ATL2: variants seen among roughly 807,000 people sequenced by gnomAD.
ATL2 encodes atlastin-2.
A neutral mutation model predicts 73.9 loss-of-function variants in ATL2; 31 were observed. The observed-to-expected ratio is 0.42, with a 90% confidence interval of 0.32 to 0.57. The LOEUF (loss-of-function observed/expected upper bound fraction) is 0.57, where lower values mean the gene tolerates loss of function less well. Ranked by LOEUF, ATL2 falls within the 20% of genes least tolerant of loss-of-function variation. The probability of loss-of-function intolerance (pLI) is 0.14; values close to 1 mark genes in which losing one functional copy is unlikely to be tolerated. For missense variants in ATL2, 738 were observed against 702.6 expected (o/e 1.05, Z -0.57); for synonymous variants, 291 against 237.5 (o/e 1.23, Z -2.07).
At chr2:38,350,437 G>C (rs575514082) in intron 1 of ATL2, among the ~76,000 whole-genome samples, 1 of 152,194 alleles carries the variant, frequency 6.6e-6, no homozygotes, top group Non-Finnish European at 1.5e-5. Flanking sequence ...TGATTGCCAG[G>C]GGTTAGGGGG....
At chr2:38,343,199 C>A in intron 2 of ATL2, 69 bp downstream of exon 2, 32 of 415,354 alleles carry the variant, frequency 7.7e-5, no homozygotes, top group Non-Finnish European at 1.0e-4. Flanking sequence ...TGGTTTTTGT[C>A]TATTTTTTTA....
intron 5 of ATL2, among the ~76,000 whole-genome samples, chr2:38,315,006 C>G (rs924063392): frequency 6.6e-6 from 1 of 152,256 alleles, no homozygotes; most frequent in Non-Finnish European, 1.5e-5. Flanking sequence ...AATCCCAGCA[C>G]TTTGGGAGGC....
chr2:38,319,054 C>G, intron 2 of ATL2, 35 bp from the exon 3 acceptor site: 1 of 1,585,126 alleles, frequency 6.3e-7, no homozygotes, highest in Non-Finnish European at 8.6e-7. Context: ...AAATACAACA[C>G]AATTAAGAAA....
At chr2:38,359,039 T>C (rs555131804) in intron 1 of ATL2, among the ~76,000 whole-genome samples, 1 of 152,254 alleles carries the variant, frequency 6.6e-6, no homozygotes, top group African/African-American at 2.4e-5. Flanking sequence ...AGAACTACAA[T>C]GCAAATTACA....
chr2:38,300,559 A>G, intron 9 of ATL2: 1 of 365,880 alleles, frequency 2.7e-6, no homozygotes, highest in Non-Finnish European at 4.9e-6. Flanking sequence ...TAAAAGTTAT[A>G]ACTCAAAGTT....
At chr2:38,303,851 G>C (rs555652908) in intron 9 of ATL2, among the ~76,000 whole-genome samples, 1 of 152,300 alleles carries the variant, frequency 6.6e-6, no homozygotes, top group East Asian at 1.9e-4. Flanking sequence ...ATGGATCCTG[G>C]CTGGGCGTGG....
intron 1 of ATL2, among the ~76,000 whole-genome samples, chr2:38,352,019 G>A (rs978037854): frequency 2.1e-5 from 3 of 140,482 alleles, no homozygotes; most frequent in Non-Finnish European, 4.7e-5. Flanking sequence ...GGCTGAGGCA[G>A]GAGAATTGCT....
At chr2:38,353,338 C>G (rs767781720) in intron 1 of ATL2, among the ~76,000 whole-genome samples, 1 of 152,082 alleles carries the variant, frequency 6.6e-6, no homozygotes, top group Non-Finnish European at 1.5e-5. Flanking sequence ...TGGACAACAG[C>G]AGACTGTAGG....
chr2:38,359,151 AC>A (rs1329220053), intron 1 of ATL2, among the ~76,000 whole-genome samples: 1 of 152,186 alleles, frequency 6.6e-6, no homozygotes, highest in Non-Finnish European at 1.5e-5. Flanking sequence ...ACAACAAAAG[AC>A]CATCCTAAAA....
rs561358444 is a variant in ATL2, at chr2:38,311,670, G to A, written c.805-1223C>T. ...AAAGCCTGTGAGAAGTCAGGATACT[G>A]GTAGAGGGTTTTGGGGGAAGGTTGC... On this transcript the variant is annotated intron_variant, in intron 7 of 12. Transcript: ENST00000378954. Among the ~76,000 whole-genome samples, 8 of 152,310 alleles carry A rather than the reference G, an allele frequency of 5.3e-5. No homozygotes were observed. The Middle Eastern group carries it at 0.01, about 194-fold the overall frequency.
intron 1 of ATL2, among the ~76,000 whole-genome samples, chr2:38,374,658 T>A (rs1216556017): frequency 2.0e-5 from 3 of 152,228 alleles, no homozygotes; most frequent in Non-Finnish European, 4.4e-5. Flanking sequence ...TTTTAATACA[T>A]CTTGCTATGA....
chr2:38,341,135 T>C (rs1417983073), intron 2 of ATL2, among the ~76,000 whole-genome samples: 1 of 152,242 alleles, frequency 6.6e-6, no homozygotes, highest in African/African-American at 2.4e-5. Flanking sequence ...AACTTTCTAC[T>C]GTCTGTGACC....
chr2:38,299,156 C>A, intron 11 of ATL2, 100 bp downstream of exon 11: 1 of 1,137,900 alleles, frequency 8.8e-7, no homozygotes. Context: ...CCATAAGCTG[C>A]ACAAATTCGC....
chr2:38,300,129 C>T (rs1667107255), intron 10 of ATL2, 143 bp downstream of exon 10: 3 of 622,262 alleles, frequency 4.8e-6, no homozygotes, highest in Non-Finnish European at 8.1e-6. Flanking sequence ...CCTTAGGACC[C>T]ACGACACATA....
chr2:38,313,998 C>T (rs574631847), intron 6 of ATL2, among the ~76,000 whole-genome samples: 7 of 152,220 alleles, frequency 4.6e-5, no homozygotes, highest in African/African-American at 1.7e-4. Flanking sequence ...ACCATACTAG[C>T]CAGACAAGAG....
intron 6 of ATL2, 68 bp from the exon 7 acceptor site, chr2:38,313,311 T>C: frequency 8.7e-7 from 1 of 1,150,372 alleles, no homozygotes; most frequent in East Asian, 2.6e-5. Context: ...ATCACAACTC[T>C]TAACAATTGA....
chr2:38,351,399 G>C (rs946673115), intron 1 of ATL2, among the ~76,000 whole-genome samples: 4 of 152,000 alleles, frequency 2.6e-5, no homozygotes, highest in Non-Finnish European at 5.9e-5. Flanking sequence ...CTCAAAACTG[G>C]AAAGTGGCCG....
intron 2 of ATL2, among the ~76,000 whole-genome samples, chr2:38,329,421 T>TC (rs1281921040): frequency 6.9e-5 from 2 of 28,832 alleles, no homozygotes. Context: ...AGACTCCATC[T>TC]CCAAAAAAAA....
At chr2:38,349,587 G>A (rs1282475388) in intron 1 of ATL2, among the ~76,000 whole-genome samples, 1 of 151,066 alleles carries the variant, frequency 6.6e-6, no homozygotes, top group African/African-American at 2.4e-5. Flanking sequence ...ACAAGTTAAT[G>A]GGTGCAGCAC....
Sources: allele counts gnomAD v4.1 joint callset (sites outside exome capture counted in the v4.1 genomes callset), GRCh38; gene constraint gnomAD v4.1.1; transcripts MANE v1.5; gene names NCBI Gene and HGNC (gene_info 2026-07-23, HGNC 2026-07-21).